Variants in DPY19L3 observed in about 807,000 individuals in gnomAD.
The protein encoded by DPY19L3 is dpy-19 like C-mannosyltransferase 3.
A neutral mutation model predicts 92.3 loss-of-function variants in DPY19L3; 51 were observed. The observed-to-expected ratio is 0.55, with a 90% CI of 0.44 to 0.70. DPY19L3 has a LOEUF of 0.70. DPY19L3 is among the 30% of genes least tolerant of loss of function. The pLI, the probability that DPY19L3 is intolerant of heterozygous loss-of-function variation, is 0.00. For synonymous variants in DPY19L3, 309 were observed against 315.2 expected, an observed-to-expected ratio of 0.98 and a Z score of 0.21; for missense variants, 706 against 855.9, an observed-to-expected ratio of 0.82 and a Z score of 2.18.
rs992003403 is a variant in DPY19L3 at position 32,458,577 on chromosome 19, A to G, written c.1322+68A>G. 12 of 1,484,900 alleles carry G rather than the reference A, an allele frequency of 8.1e-6. No individual in the cohort carries two copies. The Admixed American group carries it at 1.3e-4, about 16-fold the overall frequency. 92.0% of individuals were successfully genotyped at this position (1,484,900 alleles called of 1,614,324 possible). A position where few individuals can be genotyped will look rare whatever the true frequency, so the allele number is the denominator to read the frequency against. On this transcript the variant is annotated intron_variant, in intron 12 of 18. Coordinates refer to ENST00000392250, the MANE Select transcript of DPY19L3 (RefSeq NM_001172774.2). ...TTGTTCCATGTTGCAGAAAAATTGC[A>G]AAGTTGAAAGTCAGAATATCAGACA...
intron 3 of DPY19L3, among the ~76,000 whole-genome samples, chr19:32,428,624 A>G (rs1358604983): frequency 2.6e-5 from 4 of 152,152 alleles, no homozygotes; most frequent in Non-Finnish European, 5.9e-5. Context: ...TGAGATTTTT[A>G]AAAAGCTAAT....
In DPY19L3 at chr19:32,483,649, C is replaced by T. The variant is rs1408903162; in HGVS notation, c.*1409C>T. ...AGCAGCATTCAAAAAGTCTTTTACA[C>T]TGTCATGTTGGACACAAGCAGACTC... On this transcript the variant is annotated 3_prime_UTR_variant, in exon 19 of 19. Coordinates refer to ENST00000392250, the MANE Select transcript of DPY19L3 (RefSeq NM_001172774.2). 1 of 152,220 alleles carries T rather than the reference C, an allele frequency of 6.6e-6. No homozygotes were observed. Among genetic ancestry groups the T allele is most frequent in the Non-Finnish European group, 1.5e-5 (1 of 68,028 alleles). 9.4% of individuals were successfully genotyped at this position (152,220 alleles called of 1,614,324 possible). A position where few individuals can be genotyped will look rare whatever the true frequency, so the allele number is the denominator to read the frequency against.
chr19:32,437,342 G>A lies in DPY19L3; in HGVS notation c.596+3G>A. ...GCTTTCTGGTATGTCACAAATAGGT[G>A]AGTTGGAGTCAGTATGCTTCTTTTT... is the stretch of plus-strand genomic sequence containing the variant. On this transcript the variant is annotated splice_donor_region_variant and intron_variant, in intron 6 of 18. Transcript: ENST00000392250. 6.2e-7 allele frequency: 1 copy of A among 1,612,018 alleles called. No individual in the cohort carries two copies. Among genetic ancestry groups the A allele is most frequent in the Non-Finnish European group, 8.5e-7 (1 of 1,178,902 alleles).
chr19:32,459,860 G>A (rs1257247623), intron 12 of DPY19L3, among the ~76,000 whole-genome samples: 1 of 152,196 alleles, frequency 6.6e-6, no homozygotes, highest in Non-Finnish European at 1.5e-5. Context: ...TCATAGTCCA[G>A]TCATGTCACT....
chr19:32,407,885 G>A (rs1968031970), intron 1 of DPY19L3, among the ~76,000 whole-genome samples: 1 of 152,158 alleles, frequency 6.6e-6, no homozygotes, highest in Admixed American at 6.5e-5. Flanking sequence ...CATGAGGCCA[G>A]GAGTTCAGTA....
At chr19:32,409,212 C>CT (rs747490753) in intron 2 of DPY19L3, among the ~76,000 whole-genome samples, 5 of 152,332 alleles carry the variant, frequency 3.3e-5, no homozygotes, top group Middle Eastern at 3.4e-3. Flanking sequence ...CATCCTGAAA[C>CT]TAACACCAGT....
intron 3 of DPY19L3, among the ~76,000 whole-genome samples, chr19:32,424,214 G>A (rs1296206808): frequency 2.0e-5 from 3 of 151,760 alleles, no homozygotes; most frequent in Non-Finnish European, 4.4e-5. Flanking sequence ...CAGTTACTTG[G>A]GAAGCTGAGG....
At chr19:32,445,399 C>T (rs1489089092) in intron 8 of DPY19L3, among the ~76,000 whole-genome samples, 1 of 128,126 alleles carries the variant, frequency 7.8e-6, no homozygotes, top group Non-Finnish European at 1.6e-5. Context: ...CTAGATCGCG[C>T]CACTGCACTC....
intron 3 of DPY19L3, among the ~76,000 whole-genome samples, chr19:32,415,767 C>G (rs1968358125): frequency 6.6e-6 from 1 of 151,786 alleles, no homozygotes; most frequent in Non-Finnish European, 1.5e-5. Flanking sequence ...TTTTCTAGGC[C>G]CTGGGAATAA....
At chr19:32,477,052 C>T (rs189401447) in intron 16 of DPY19L3, among the ~76,000 whole-genome samples, 8 of 152,040 alleles carry the variant, frequency 5.3e-5, no homozygotes, top group African/African-American at 7.2e-5. Flanking sequence ...AAGTTCAATA[C>T]GCAAAGCAGT....
At chr19:32,411,484 A>G (rs762741131) in intron 3 of DPY19L3, 112 bp downstream of exon 3, 8 of 1,136,728 alleles carry the variant, frequency 7.0e-6, no homozygotes, top group Admixed American at 4.4e-5. Context: ...TCCAATCTCT[A>G]GAAAGGTTGG....
intron 3 of DPY19L3, among the ~76,000 whole-genome samples, chr19:32,426,746 T>G (rs1055521921): frequency 6.6e-6 from 1 of 152,142 alleles, no homozygotes; most frequent in African/African-American, 2.4e-5. Flanking sequence ...CCAGATCCCG[T>G]GACAGGTATA....
chr19:32,415,784 G>C lies in DPY19L3; in HGVS notation c.237+4412G>C, dbSNP rs192222768. Among the ~76,000 whole-genome samples, 153 of 152,156 alleles carry C rather than the reference G, an allele frequency of 1.0e-3. 2 individuals carry two copies. Among genetic ancestry groups the C allele is most frequent in the Non-Finnish European group, 2.5e-4 (17 of 68,008 alleles). On this transcript the variant is annotated intron_variant, in intron 3 of 18. Coordinates refer to ENST00000392250, the MANE Select transcript of DPY19L3 (RefSeq NM_001172774.2). ...TTCTAGGCCCTGGGAATAAAGCATT[G>C]AATACGACATAGAACTTAATTATGA...
chr19:32,475,975 CTT>C (rs933670106), intron 16 of DPY19L3, among the ~76,000 whole-genome samples: 1 of 152,182 alleles, frequency 6.6e-6, no homozygotes, highest in African/African-American at 2.4e-5. Context: ...ATTCCAGCCA[CTT>C]TTTTTCCTCA....
chr19:32,429,792 G>C (rs919040559), intron 3 of DPY19L3, among the ~76,000 whole-genome samples: 1 of 152,006 alleles, frequency 6.6e-6, no homozygotes, highest in Non-Finnish European at 1.5e-5. Flanking sequence ...TGTTGTTGTT[G>C]TTCTTAATTT....
intron 4 of DPY19L3, among the ~76,000 whole-genome samples, chr19:32,435,894 G>C (rs1230171608): frequency 6.6e-6 from 1 of 152,246 alleles, no homozygotes; most frequent in East Asian, 1.9e-4. Flanking sequence ...GGGAGCTGCA[G>C]CTCTGGTCTG....
Position 32,482,388 on chromosome 19 carries a change from C to T in DPY19L3, c.*148C>T. 1.1e-6 allele frequency: 1 copy of T among 883,606 alleles called. No homozygotes were observed. The allele number at this position is 883,606 out of a possible 1,614,324, so 54.7% of individuals were successfully genotyped here. A position where few individuals can be genotyped will look rare whatever the true frequency, so the allele number is the denominator to read the frequency against. On this transcript the variant is annotated 3_prime_UTR_variant, in exon 19 of 19. Transcript: ENST00000392250. ...CTACAGATGTTTACACAAGTGTTGC[C>T]ATCTTTGAAAGCATCTTCTACAAGC...
chr19:32,453,955 T>G (rs1421647134), intron 9 of DPY19L3, among the ~76,000 whole-genome samples: 1 of 152,160 alleles, frequency 6.6e-6, no homozygotes, highest in Admixed American at 6.5e-5. Context: ...TGCTAGAAAC[T>G]TCCGTGTCAA....
At chr19:32,426,244 T>C (rs1016835640) in intron 3 of DPY19L3, among the ~76,000 whole-genome samples, 1 of 152,250 alleles carries the variant, frequency 6.6e-6, no homozygotes, top group Non-Finnish European at 1.5e-5. Flanking sequence ...AGGGCCTTGC[T>C]CTGGATTAGG....
Sources: gnomAD v4.1 joint callset for allele counts (sites outside exome capture counted in the v4.1 genomes callset) on GRCh38, gnomAD v4.1.1 for gene constraint, MANE v1.5 for transcripts, NCBI Gene and HGNC (gene_info 2026-07-23, HGNC 2026-07-21) for gene names.